Variants in ZNF69 observed in about 807,000 individuals in gnomAD.
ZNF69 encodes the protein ZNF3.
ZNF69 carries 47 observed loss-of-function variants against 50.9 expected under a neutral mutation model. The ratio of observed to expected loss-of-function variants is 0.92; its 90% CI spans 0.73 to 1.18. The LOEUF (loss-of-function observed/expected upper bound fraction) is 1.18, where lower values mean the gene tolerates loss of function less well. Ranked by LOEUF, ZNF69 falls within the 50% of genes most tolerant of loss-of-function variation. The pLI is 0.00. For missense variants in ZNF69, 717 were observed against 675.1 expected (o/e 1.06, Z -0.69); for synonymous variants, 216 against 223.1 (o/e 0.97, Z 0.29).
At chr19:11,937,470 G>A in the ZNF69 span, among the ~76,000 whole-genome samples, 826 of 150,372 alleles carry the variant, frequency 5.5e-3, 7 homozygotes, top group African/African-American at 0.02. Flanking sequence ...CTTTATAGTA[G>A]ATTTTTCTTT....
downstream of ZNF69, among the ~76,000 whole-genome samples, chr19:11,918,063 G>A (rs1418319754): frequency 3.3e-5 from 5 of 152,118 alleles, no homozygotes; most frequent in African/African-American, 1.2e-4. Context: ...TGAGATTACA[G>A]GCATGAGCCA....
At chr19:11,941,484 C>G in the ZNF69 span, among the ~76,000 whole-genome samples, 1 of 152,220 alleles carries the variant, frequency 6.6e-6, no homozygotes, top group South Asian at 2.1e-4. Flanking sequence ...AGCGCAGCAC[C>G]GGTGGGCTGG....
At chr19:11,889,004 G>A (rs567867897) in intron 1 of ZNF69, among the ~76,000 whole-genome samples, 3 of 152,158 alleles carry the variant, frequency 2.0e-5, no homozygotes, top group African/African-American at 7.2e-5. Flanking sequence ...AGAAAGGGCG[G>A]GACCTGTGGA....
chr19:11,912,775 C>T (rs569391536), intron 4 of ZNF69, among the ~76,000 whole-genome samples: 14 of 152,324 alleles, frequency 9.2e-5, no homozygotes, highest in African/African-American at 3.1e-4. Context: ...TGGAGAGAAA[C>T]CCTATGAATG....
Position 11,906,061 on chromosome 19 carries a change from C to A in ZNF69, c.1664C>A (p.Thr555Asn), listed in dbSNP as rs754397923. 15 of 1,612,750 alleles carry A rather than the reference C, an allele frequency of 9.3e-6. No homozygotes were observed. The change falls in exon 4 of 4, where the codon ACT (threonine) becomes AAT (asparagine). Residue 555 changes from threonine (T) to asparagine (N), a missense_variant. Thr to Asn is a moderately conservative substitution (Grantham distance 65, BLOSUM62 0). Coordinates refer to ENST00000429654, the MANE Select transcript of ZNF69 (RefSeq NM_001364730.1). ...AASVLRMHGR[T>N]HPEDKPYECK... is the part of the protein sequence containing the mutation. The stretch of plus-strand genomic sequence containing the variant: ...TCAGTCCTTCGAATGCATGGTAGGA[C>A]TCACCCTGAAGATAAACCCTATGAG...
chr19:11,974,077 CTT>C, the ZNF69 span, among the ~76,000 whole-genome samples: 3 of 67,368 alleles, frequency 4.5e-5, no homozygotes, highest in East Asian at 5.5e-4. Flanking sequence ...TCTTTTCTTT[CTT>C]TCTTTCTTTC....
intron 1 of ZNF69, among the ~76,000 whole-genome samples, chr19:11,895,322 G>A (rs955087570): frequency 2.6e-5 from 4 of 152,262 alleles, no homozygotes; most frequent in Non-Finnish European, 4.4e-5. Flanking sequence ...ACAGAGTGGG[G>A]AGAACATCCA....
the ZNF69 span, among the ~76,000 whole-genome samples, chr19:11,962,083 G>A: frequency 6.6e-6 from 1 of 152,144 alleles, no homozygotes; most frequent in Admixed American, 6.5e-5. Context: ...CCCCAGTGCT[G>A]GGATTAAGGC....
chr19:11,972,208 C>G, the ZNF69 span, among the ~76,000 whole-genome samples: 1 of 151,790 alleles, frequency 6.6e-6, no homozygotes, highest in South Asian at 2.1e-4. Flanking sequence ...TCTGTTGAGC[C>G]TAGGAGTTTG....
chr19:11,949,515 A>T, the ZNF69 span: 1 of 1,610,502 alleles, frequency 6.2e-7, no homozygotes, highest in South Asian at 1.1e-5. Context: ...GGACAGAAAA[A>T]CACATAAGAA....
At chr19:11,916,505 C>G (rs140738483), downstream of ZNF69, among the ~76,000 whole-genome samples, 167 of 152,338 alleles carry the variant, frequency 1.1e-3, no homozygotes, top group East Asian at 6.2e-3. Flanking sequence ...ACACCAGCTA[C>G]TCTGGTGACT....
At chr19:11,978,350 G>T in the ZNF69 span, 2 of 1,614,028 alleles carry the variant, frequency 1.2e-6, no homozygotes, top group South Asian at 2.2e-5. Context: ...ATGCACCAAA[G>T]CCATATAAGT....
the ZNF69 span, among the ~76,000 whole-genome samples, chr19:11,922,623 A>C: frequency 6.6e-6 from 1 of 151,142 alleles, no homozygotes; most frequent in African/African-American, 2.4e-5. Context: ...TAAAGTTTAA[A>C]GGGATGGTTT....
At chr19:11,976,884 T>C in the ZNF69 span, 6 of 1,499,254 alleles carry the variant, frequency 4.0e-6, no homozygotes, top group Non-Finnish European at 5.3e-6. Context: ...ACAAAAATGC[T>C]TTATGGAAGA....
chr19:11,890,130 T>C (rs752708904), intron 1 of ZNF69, among the ~76,000 whole-genome samples: 102 of 152,192 alleles, frequency 6.7e-4, no homozygotes, highest in Non-Finnish European at 1.3e-3. Flanking sequence ...AGCCTTCCTC[T>C]TATCTCAACT....
the ZNF69 span, among the ~76,000 whole-genome samples, chr19:11,964,654 C>T: frequency 6.6e-6 from 1 of 152,132 alleles, no homozygotes; most frequent in African/African-American, 2.4e-5. Flanking sequence ...TCGTGCCTGG[C>T]CTGGTCTCGG....
At chr19:11,961,922 T>TACACACACACAC in the ZNF69 span, among the ~76,000 whole-genome samples, 131 of 145,084 alleles carry the variant, frequency 9.0e-4, no homozygotes, top group Middle Eastern at 6.9e-3. Flanking sequence ...TGGCCTCTTT[T>TACACACACACAC]ACACACACAC....
chr19:11,901,978 C>CTTTTT (rs58505422), intron 1 of ZNF69, among the ~76,000 whole-genome samples: 122 of 119,050 alleles, frequency 1.0e-3, no homozygotes, highest in Non-Finnish European at 1.4e-3. Context: ...ATGTTATTTT[C>CTTTTT]TTTTTTTTTT....
At chr19:11,930,595 G>A in the ZNF69 span, among the ~76,000 whole-genome samples, 7 of 148,574 alleles carry the variant, frequency 4.7e-5, no homozygotes, top group Admixed American at 3.3e-4. Flanking sequence ...ACAGGTAGTG[G>A]ATTGATTATT....
Sources: allele counts gnomAD v4.1 joint callset (sites outside exome capture counted in the v4.1 genomes callset), GRCh38; gene constraint gnomAD v4.1.1; transcripts MANE v1.5; gene names NCBI Gene and HGNC (gene_info 2026-07-23, HGNC 2026-07-21).